Variants in OCA2 observed in about 807,000 individuals in gnomAD.
OCA2 encodes the protein P protein.
Under a neutral mutation model 100.2 loss-of-function variants are expected in OCA2, and 77 were observed. The observed-to-expected ratio is 0.77, with a 90% CI of 0.64 to 0.93. The LOEUF (loss-of-function observed/expected upper bound fraction) is 0.93, where lower values mean the gene tolerates loss of function less well. OCA2 is among the 40% of genes least tolerant of loss of function. The probability of loss-of-function intolerance (pLI) is 0.00; values close to 1 mark genes in which losing one functional copy is unlikely to be tolerated. For missense variants in OCA2, 1,062 were observed against 1,089.1 expected (o/e 0.98, Z 0.35); for synonymous variants, 432 against 439.2 (o/e 0.98, Z 0.21).
chr15:28,052,830 C>CT (rs1190573476), intron 2 of OCA2, among the ~76,000 whole-genome samples: 1 of 152,182 alleles, frequency 6.6e-6, no homozygotes, highest in Non-Finnish European at 1.5e-5. Flanking sequence ...TCAATGGGTA[C>CT]TGGCCCAGGT....
At chr15:28,073,871 G>A (rs929000826) in intron 2 of OCA2, among the ~76,000 whole-genome samples, 3 of 152,192 alleles carry the variant, frequency 2.0e-5, no homozygotes, top group African/African-American at 7.2e-5. Context: ...AAAGATGGCA[G>A]GGGGAGGGGT....
At chr15:28,094,419 G>A (rs1000124137) in intron 1 of OCA2, among the ~76,000 whole-genome samples, 2 of 152,198 alleles carry the variant, frequency 1.3e-5, no homozygotes, top group East Asian at 1.9e-4. Context: ...CTGTAAGCCG[G>A]CGGCACAGGG....
At position 27,885,747 on chromosome 15, in the gene OCA2, CTTTA is replaced by C. The variant is rs1189615183; in HGVS notation, c.2080-13829_2080-13826del. Among the ~76,000 whole-genome samples, 6 of 123,076 alleles carry C rather than the reference CTTTA, an allele frequency of 4.9e-5. No homozygotes were observed. In the South Asian group the frequency reaches 9.5e-4, roughly 19 times the overall value. 80.7% of individuals were successfully genotyped at this position (123,076 alleles called of 152,430 possible). A position where few individuals can be genotyped will look rare whatever the true frequency, so the allele number is the denominator to read the frequency against. On this transcript the variant is annotated intron_variant, in intron 19 of 23. Transcript: ENST00000354638. ...CATATTGCTTAGTCTCCATTCACTC[CTTTA>C]TTTGTTTGATGTGCTTACTATGTGG...
intron 23 of OCA2, among the ~76,000 whole-genome samples, chr15:27,823,434 GTTAT>G (rs1463196991): frequency 1.4e-4 from 22 of 152,182 alleles, no homozygotes. Flanking sequence ...TATAACTGCA[GTTAT>G]TTAATTTTTC....
chr15:27,974,372 T>C (rs2040899115), intron 14 of OCA2, among the ~76,000 whole-genome samples: 1 of 152,238 alleles, frequency 6.6e-6, no homozygotes, highest in Non-Finnish European at 1.5e-5. Context: ...AATGAGGCTT[T>C]ATAAATTTAT....
In OCA2 at chr15:28,077,840, C is replaced by T. The variant is rs549592497; in HGVS notation, c.227+3808G>A. ...CTCATGCCTATAATCCCAGCACTTT[C>T]GGAGACCGAGGCAGGTGGATCACGA... On this transcript the variant is annotated intron_variant, in intron 2 of 23. Transcript: ENST00000354638. 5.1e-4 allele frequency among the ~76,000 whole-genome samples: 78 copies of T among 152,250 alleles called. 1 individual carries two copies. The highest frequency in any genetic ancestry group is 1.6e-3 in the African/African-American group (66 of 41,554).
chr15:27,969,510 A>G (rs2040696706), intron 14 of OCA2, among the ~76,000 whole-genome samples: 1 of 152,220 alleles, frequency 6.6e-6, no homozygotes, highest in Non-Finnish European at 1.5e-5. Flanking sequence ...GTTCCCAGTA[A>G]CAAAACTATC....
intron 23 of OCA2, among the ~76,000 whole-genome samples, chr15:27,817,924 T>G (rs1464421628): frequency 1.3e-5 from 2 of 152,194 alleles, no homozygotes; most frequent in Non-Finnish European, 2.9e-5. Context: ...GTAATCTAAC[T>G]TCTAATAAAA....
At chr15:28,087,358 C>A (rs1452493722) in intron 1 of OCA2, among the ~76,000 whole-genome samples, 1 of 152,108 alleles carries the variant, frequency 6.6e-6, no homozygotes, top group African/African-American at 2.4e-5. Flanking sequence ...AAATTTATTG[C>A]CAGCAGACCT....
chr15:27,772,978 A>C (rs2031978677), intron 23 of OCA2, among the ~76,000 whole-genome samples: 1 of 152,168 alleles, frequency 6.6e-6, no homozygotes, highest in South Asian at 2.1e-4. Context: ...TTTTCTGATT[A>C]AATTCATTTT....
Position 27,983,422 on chromosome 15 carries a change from T to G in OCA2, c.1426A>C (p.Asn476His). The change falls in exon 14 of 24, where the codon AAC becomes CAC. Residue 476 changes from asparagine to histidine, a missense_variant. Physicochemically the swap from Asn to His is moderately conservative, Grantham distance 68. Coordinates refer to ENST00000354638, the MANE Select transcript of OCA2 (RefSeq NM_000275.3). ...ATGGCAGTGGCAGCTCCTCCAATGT[T>G]TGTGAAGATCACTTCTGCAATCAGG... ...QVLIAEVIFT[N>H]IGGAATAIGD... 1 of 1,614,194 alleles carries G rather than the reference T, an allele frequency of 6.2e-7. No homozygotes were observed. The highest frequency in any genetic ancestry group is 8.5e-7 in the Non-Finnish European group (1 of 1,180,028).
chr15:27,839,729 G>T (rs1239539314), intron 23 of OCA2, among the ~76,000 whole-genome samples: 1 of 152,172 alleles, frequency 6.6e-6, no homozygotes, highest in African/African-American at 2.4e-5. Flanking sequence ...TACTTAACAT[G>T]CCACTTAAAG....
intron 19 of OCA2, among the ~76,000 whole-genome samples, chr15:27,877,986 TTAAG>T (rs1247904231): frequency 1.3e-5 from 2 of 150,400 alleles, no homozygotes; most frequent in African/African-American, 2.4e-5. Flanking sequence ...AATATTATTA[TTAAG>T]TATTAAATAT....
intron 23 of OCA2, among the ~76,000 whole-genome samples, chr15:27,814,943 GAT>G (rs768567381): frequency 0.16 from 19,113 of 121,644 alleles, 1,473 homozygotes; most frequent in South Asian, 0.23. Flanking sequence ...TAGATAGATA[GAT>G]ACAGAGATAT....
At chr15:27,965,698 T>A (rs1382854203) in intron 15 of OCA2, among the ~76,000 whole-genome samples, 1 of 152,156 alleles carries the variant, frequency 6.6e-6, no homozygotes, top group African/African-American at 2.4e-5. Flanking sequence ...GCTCTACAAA[T>A]TCCCAAAGAA....
intron 23 of OCA2, among the ~76,000 whole-genome samples, chr15:27,825,878 A>G (rs910904638): frequency 6.6e-6 from 1 of 152,250 alleles, no homozygotes; most frequent in East Asian, 1.9e-4. Flanking sequence ...ATGAGGAACC[A>G]TTTCTACTTT....
chr15:27,834,145 C>A (rs2035061456), intron 23 of OCA2, among the ~76,000 whole-genome samples: 3 of 152,178 alleles, frequency 2.0e-5, no homozygotes, highest in African/African-American at 7.2e-5. Context: ...CACCATCCGT[C>A]CCCACACCAA....
intron 1 of OCA2, among the ~76,000 whole-genome samples, chr15:28,087,937 C>T (rs1239774585): frequency 6.6e-6 from 1 of 152,042 alleles, no homozygotes; most frequent in African/African-American, 2.4e-5. Context: ...TGGCAGACAC[C>T]TGTAATCCTA....
chr15:28,045,602 C>T (rs904541396), intron 2 of OCA2, among the ~76,000 whole-genome samples: 9 of 152,198 alleles, frequency 5.9e-5, no homozygotes, highest in Admixed American at 3.9e-4. Context: ...CACCCTCTAC[C>T]TGGCTGGACC....
Sources: gnomAD v4.1 joint callset for allele counts (sites outside exome capture counted in the v4.1 genomes callset) on GRCh38, gnomAD v4.1.1 for gene constraint, MANE v1.5 for transcripts, NCBI Gene and HGNC (gene_info 2026-07-23, HGNC 2026-07-21) for gene names.